CHLSN: variants seen among roughly 807,000 people sequenced by gnomAD.
CHLSN encodes the protein protein cholesin.
chr7:1,036,613 T>C, the CHLSN span, among the ~76,000 whole-genome samples: 1 of 152,122 alleles, frequency 6.6e-6, no homozygotes. Flanking sequence ...AGGGTGTACA[T>C]GCAAACTCCA....
chr7:1,014,588 A>T, the CHLSN span, among the ~76,000 whole-genome samples: 1 of 152,260 alleles, frequency 6.6e-6, no homozygotes, highest in Non-Finnish European at 1.5e-5. Flanking sequence ...AAAAACCATC[A>T]TCATTTCCCA....
chr7:1,118,462 C>T, the CHLSN span, among the ~76,000 whole-genome samples: 1 of 152,110 alleles, frequency 6.6e-6, no homozygotes, highest in Non-Finnish European at 1.5e-5. Flanking sequence ...TTATGACACA[C>T]CAAAGGAGGA....
chr7:1,135,890 A>AATATATAAGTATATATAAAAAT, the CHLSN span, among the ~76,000 whole-genome samples: 118 of 103,202 alleles, frequency 1.1e-3, no homozygotes, highest in Non-Finnish European at 1.9e-3. Context: ...TGAATATATA[A>AATATATAAGTATATATAAAAAT]ATATATAAGT....
the CHLSN span, among the ~76,000 whole-genome samples, chr7:1,050,072 C>T: frequency 1.3e-5 from 2 of 152,372 alleles, no homozygotes; most frequent in East Asian, 3.9e-4. Flanking sequence ...GCGGGCCCCA[C>T]TCTGAACCGC....
At chr7:1,099,090 GCGGCC>G in the CHLSN span, among the ~76,000 whole-genome samples, 1 of 142,994 alleles carries the variant, frequency 7.0e-6, no homozygotes, top group African/African-American at 2.5e-5. Flanking sequence ...CGTTCTTGCA[GCGGCC>G]TCCCCTTCCG....
chr7:1,085,710 T>C, the CHLSN span, among the ~76,000 whole-genome samples: 2 of 150,800 alleles, frequency 1.3e-5, no homozygotes, highest in African/African-American at 2.4e-5. Context: ...GGCTCGCATC[T>C]GTAGTCCCAG....
the CHLSN span, among the ~76,000 whole-genome samples, chr7:1,015,392 T>A: frequency 6.6e-6 from 1 of 152,194 alleles, no homozygotes; most frequent in Admixed American, 6.5e-5. Flanking sequence ...CCCTGTCTCA[T>A]GAACAGGGTT....
chr7:1,055,680 G>A, the CHLSN span, among the ~76,000 whole-genome samples: 4 of 152,188 alleles, frequency 2.6e-5, no homozygotes, highest in Non-Finnish European at 4.4e-5. Flanking sequence ...GAGGGGTCCC[G>A]GCCCTTGGCA....
the CHLSN span, among the ~76,000 whole-genome samples, chr7:1,069,505 A>C: frequency 1.5e-5 from 2 of 136,714 alleles, no homozygotes; most frequent in Admixed American, 7.2e-5. Context: ...GATTGCAGGC[A>C]CGCGCCGCCA....
the CHLSN span, among the ~76,000 whole-genome samples, chr7:1,015,215 G>A: frequency 6.6e-6 from 1 of 152,138 alleles, no homozygotes; most frequent in African/African-American, 2.4e-5. Context: ...GCTGAGGGGT[G>A]AGGAAAGAGA....
the CHLSN span, among the ~76,000 whole-genome samples, chr7:1,022,541 C>G: frequency 6.6e-6 from 1 of 152,134 alleles, no homozygotes; most frequent in Admixed American, 6.5e-5. Context: ...TGAGGGAACA[C>G]GGGACGCCCA....
chr7:1,011,067 C>A, the CHLSN span, among the ~76,000 whole-genome samples: 1 of 149,934 alleles, frequency 6.7e-6, no homozygotes, highest in East Asian at 2.0e-4. Context: ...TGCAACCCAC[C>A]CCCCCGACAC....
chr7:988,355 G>A, the CHLSN span: 9 of 1,612,552 alleles, frequency 5.6e-6, no homozygotes, highest in South Asian at 5.5e-5. Flanking sequence ...GTTCAACCCC[G>A]GCCATTTCCT....
the CHLSN span, chr7:988,762 C>T: frequency 6.3e-5 from 100 of 1,598,544 alleles, no homozygotes; most frequent in South Asian, 1.6e-4. Flanking sequence ...ACACCACGCC[C>T]GCCCGGGCTT....
chr7:1,040,183 TAAAAAA>T, the CHLSN span, among the ~76,000 whole-genome samples: 4 of 74,532 alleles, frequency 5.4e-5, no homozygotes, highest in South Asian at 9.7e-4. Flanking sequence ...AAAATAAATT[TAAAAAA>T]AAAAAAAAAA....
the CHLSN span, among the ~76,000 whole-genome samples, chr7:1,120,041 G>T: frequency 6.6e-6 from 1 of 151,802 alleles, no homozygotes; most frequent in African/African-American, 2.4e-5. Flanking sequence ...AAAAACAGAA[G>T]TCATAAAGAA....
chr7:1,042,395 C>T, the CHLSN span, among the ~76,000 whole-genome samples: 11 of 152,370 alleles, frequency 7.2e-5, no homozygotes, highest in South Asian at 2.1e-4. Context: ...CGCCCCCCTA[C>T]GCCCCAATCT....
At chr7:1,126,455 G>T in the CHLSN span, among the ~76,000 whole-genome samples, 1 of 151,866 alleles carries the variant, frequency 6.6e-6, no homozygotes, top group South Asian at 2.1e-4. Flanking sequence ...GAGGTGGGTG[G>T]ATCACTTGAG....
chr7:1,121,553 T>G, the CHLSN span, among the ~76,000 whole-genome samples: 2 of 152,214 alleles, frequency 1.3e-5, no homozygotes, highest in Non-Finnish European at 2.9e-5. Flanking sequence ...TTTTCAAGAT[T>G]ACAAAAGCAG....
Sources: gnomAD v4.1 joint callset for allele counts (sites outside exome capture counted in the v4.1 genomes callset) on GRCh38, gnomAD v4.1.1 for gene constraint, MANE v1.5 for transcripts, NCBI Gene and HGNC (gene_info 2026-07-23, HGNC 2026-07-21) for gene names.